CCDC160: variants seen among roughly 807,000 people sequenced by gnomAD.
The protein encoded by CCDC160 is coiled-coil domain-containing protein 160.
For synonymous variants in CCDC160, 94 were observed against 79.4 expected (o/e 1.18, Z -0.98); for missense variants, 227 against 215.6 (o/e 1.05, Z -0.33).
chrX:134,243,371 C>A, intron 1 of CCDC160: 1 of 750,425 alleles, frequency 1.3e-6, no homozygotes, highest in African/African-American at 2.3e-5. Flanking sequence ...GAGTCCCTTC[C>A]ATCTTTTGTG....
rs192294096 is a variant in CCDC160, at chrX:134,241,657, T to A, written c.-24-3120T>A. Among the ~76,000 whole-genome samples the A allele has an allele frequency of 3.4e-3, 381 of 112,350 alleles. 3 individuals carry two copies. The highest frequency in any genetic ancestry group is 5.6e-3 in the Non-Finnish European group (300 of 53,269). ...ATTGTTTTCCTGTCTGTGTTCTAGA[T>A]TATTTGCTTCTAAAGAAACCAGTTT... On this transcript the variant is annotated intron_variant, in intron 1 of 1. Coordinates refer to ENST00000370809, the Ensembl canonical transcript of CCDC160.
chrX:134,242,564 AGT>A (rs371345902), intron 1 of CCDC160, among the ~76,000 whole-genome samples: 9,105 of 104,738 alleles, frequency 0.087, 397 homozygotes, highest in East Asian at 0.2. Context: ...AAAATTAAAA[AGT>A]GTGTGTGTGT....
chrX:134,245,236 T>C (rs768657941), exon 2 of CCDC160: 2 of 1,193,915 alleles, frequency 1.7e-6, no homozygotes, highest in South Asian at 3.8e-5. Context: ...TCCAAAACTT[T>C]GCCTGAATCT....
intron 1 of CCDC160, among the ~76,000 whole-genome samples, chrX:134,244,434 CT>C (rs997497775): frequency 4.5e-4 from 50 of 112,081 alleles, no homozygotes; most frequent in African/African-American, 1.5e-3. Context: ...TTTCAAATCA[CT>C]TTTTTTTATT....
exon 2 of CCDC160, chrX:134,245,322 A>T: frequency 8.4e-7 from 1 of 1,186,519 alleles, no homozygotes. Flanking sequence ...CTGAAAAAGA[A>T]CTTTTGCACT....
At chrX:134,241,398 A>C (rs1232525738) in intron 1 of CCDC160, among the ~76,000 whole-genome samples, 1 of 111,436 alleles carries the variant, frequency 9.0e-6, no homozygotes, top group Admixed American at 9.6e-5. Context: ...GAGATCTCTC[A>C]CTCCACAAAA....
downstream of CCDC160, chrX:134,246,004 A>AGAGT (rs752151774): frequency 1.1e-4 from 22 of 200,251 alleles, no homozygotes; most frequent in African/African-American, 6.6e-4. Context: ...CTCATATCAG[A>AGAGT]GTGTGTGTGT....
chrX:134,245,584 G>T lies in CCDC160; in HGVS notation c.784G>T (p.Glu262Ter). ...GGTTGGAAATGTGCTCCTAAAAGAA[G>T]AAATGAAATCATATTATGAATTAGA... The change falls in exon 2 of 2, where the codon GAA becomes TAA. Residue 262 changes from glutamate (E) to a stop codon, truncating the protein, a stop_gained. Coordinates refer to ENST00000370809, the Ensembl canonical transcript of CCDC160. LOFTEE classifies it low-confidence loss of function (END_TRUNC). 1.7e-6 allele frequency: 2 copies of T among 1,206,184 alleles called. No individual in the cohort carries two copies. Among genetic ancestry groups the T allele is most frequent in the Non-Finnish European group, 2.2e-6 (2 of 892,893 alleles).
At chrX:134,239,692 G>A (rs187009074) in intron 1 of CCDC160, among the ~76,000 whole-genome samples, 30 of 111,077 alleles carry the variant, frequency 2.7e-4, no homozygotes, top group African/African-American at 9.8e-4. Flanking sequence ...TGTTTAACTG[G>A]CTGGTTTATG....
At chrX:134,244,818 A>G in exon 2 of CCDC160, 1 of 1,167,722 alleles carries the variant, frequency 8.6e-7, no homozygotes, top group East Asian at 3.0e-5. Context: ...CTAGAAGAAA[A>G]CACTGGAAGG....
intron 1 of CCDC160, among the ~76,000 whole-genome samples, chrX:134,240,385 C>G (rs1037403258): frequency 7.2e-5 from 8 of 111,756 alleles, no homozygotes; most frequent in African/African-American, 2.6e-4. Context: ...CTTACTGCCC[C>G]TAGGCAGTGA....
exon 2 of CCDC160, chrX:134,245,432 C>G: frequency 8.5e-7 from 1 of 1,182,890 alleles, no homozygotes. Context: ...AATGACCTGT[C>G]TGAAAAAGCA....
chrX:134,240,836 A>G (rs2077025512), intron 1 of CCDC160, among the ~76,000 whole-genome samples: 2 of 106,560 alleles, frequency 1.9e-5, no homozygotes, highest in Admixed American at 1.0e-4. Flanking sequence ...CACCACACCT[A>G]TCTAATTTTG....
intron 1 of CCDC160, among the ~76,000 whole-genome samples, chrX:134,241,829 G>T (rs2077028349): frequency 8.9e-6 from 1 of 111,876 alleles, no homozygotes; most frequent in African/African-American, 3.2e-5. Context: ...GGTTTGGTTT[G>T]CCTTATGCTG....
chrX:134,239,835 T>C (rs1247701825), intron 1 of CCDC160, among the ~76,000 whole-genome samples: 2 of 112,080 alleles, frequency 1.8e-5, no homozygotes, highest in Non-Finnish European at 3.8e-5. Flanking sequence ...TGTCCCTATT[T>C]TACACCTGAA....
At chrX:134,242,236 C>A (rs994758443) in intron 1 of CCDC160, among the ~76,000 whole-genome samples, 3 of 111,880 alleles carry the variant, frequency 2.7e-5, no homozygotes, top group Non-Finnish European at 5.6e-5. Context: ...TACCCTCCCC[C>A]CTTCACTTTT....
chrX:134,246,325 T>C (rs2077043232), downstream of CCDC160: 1 of 111,009 alleles, frequency 9.0e-6, no homozygotes, highest in African/African-American at 3.3e-5. Context: ...TGGAAAAAAA[T>C]GTAGTTTTTT....
At chrX:134,238,033 G>C (rs758904043) in intron 1 of CCDC160, among the ~76,000 whole-genome samples, 1 of 111,758 alleles carries the variant, frequency 8.9e-6, no homozygotes. Flanking sequence ...TTCCCTTTTC[G>C]ATGTTTTTTT....
At chrX:134,244,476 G>A (rs2124130055) in intron 1 of CCDC160, among the ~76,000 whole-genome samples, 1 of 112,163 alleles carries the variant, frequency 8.9e-6, no homozygotes, top group Non-Finnish European at 1.9e-5. Flanking sequence ...GTGTACAGTT[G>A]TTTTCTTATA....
Sources: allele counts gnomAD v4.1 joint callset (sites outside exome capture counted in the v4.1 genomes callset), GRCh38; gene constraint gnomAD v4.1.1; transcripts MANE v1.5; gene names NCBI Gene and HGNC (gene_info 2026-07-23, HGNC 2026-07-21).